The following XRN1 variants were observed in gnomAD, a reference collection of about 807,000 sequenced individuals.
XRN1 encodes the protein 5'-3' exoribonuclease 1, also known as strand-exchange protein 1 homolog.
Under a neutral mutation model 222.3 loss-of-function variants are expected in XRN1, and 67 were observed. The observed-to-expected ratio is 0.30, with a 90% confidence interval of 0.25 to 0.37. XRN1 has a LOEUF of 0.37. Ranked by LOEUF, XRN1 falls within the 10% of genes least tolerant of loss-of-function variation. XRN1 has a pLI of 1.00. For synonymous variants in XRN1, 643 were observed against 652.4 expected, an observed-to-expected ratio of 0.99 and a Z score of 0.22; for missense variants, 1,707 against 2,000.2, an observed-to-expected ratio of 0.85 and a Z score of 2.80.
intron 33 of XRN1, among the ~76,000 whole-genome samples, chr3:142,337,618 G>A (rs1221553359): frequency 6.6e-6 from 1 of 152,162 alleles, no homozygotes; most frequent in East Asian, 1.9e-4. Flanking sequence ...CCTGAACACA[G>A]TAGACACTAC....
In XRN1 at chr3:142,412,797, GAT is replaced by G. The variant is rs966682915; in HGVS notation, c.1594-136_1594-135del. The G allele has an allele frequency of 1.3e-4, 79 of 615,680 alleles. No homozygotes were observed. The African/African-American group carries it at 1.4e-3, about 11-fold the overall frequency. 38.1% of individuals were successfully genotyped at this position (615,680 alleles called of 1,614,324 possible). A position where few individuals can be genotyped will look rare whatever the true frequency, so the allele number is the denominator to read the frequency against. ...AAGCAAACTAAATTTTTGTACCTTT[GAT>G]ATGTCACAATATACTTGCTATATTT... On this transcript the variant is annotated intron_variant, in intron 14 of 40. Transcript: ENST00000392981.
At chr3:142,381,738 T>C (rs1020315330) in intron 22 of XRN1, among the ~76,000 whole-genome samples, 16 of 152,020 alleles carry the variant, frequency 1.1e-4, no homozygotes, top group African/African-American at 3.9e-4. Flanking sequence ...AGCTAATTTT[T>C]ATAATTTTAG....
At chr3:142,391,306 T>C (rs1360817168) in intron 20 of XRN1, among the ~76,000 whole-genome samples, 1 of 152,218 alleles carries the variant, frequency 6.6e-6, no homozygotes, top group East Asian at 1.9e-4. Flanking sequence ...GATGCTTCTA[T>C]TAAAATAAAA....
chr3:142,415,709 G>A (rs1005267502), intron 13 of XRN1, among the ~76,000 whole-genome samples: 7 of 152,176 alleles, frequency 4.6e-5, no homozygotes, highest in Non-Finnish European at 7.4e-5. Flanking sequence ...TATGTAGTAA[G>A]TGAAACCATA....
chr3:142,339,432 C>G (rs1320441654), intron 33 of XRN1, among the ~76,000 whole-genome samples: 2 of 152,230 alleles, frequency 1.3e-5, no homozygotes, highest in East Asian at 3.9e-4. Flanking sequence ...ATTTCAAATA[C>G]TTGGAAAGTG....
intron 1 of XRN1, among the ~76,000 whole-genome samples, chr3:142,441,321 T>A (rs896620477): frequency 7.9e-5 from 12 of 152,146 alleles, no homozygotes; most frequent in Admixed American, 7.9e-4. Flanking sequence ...AGAAAGCCAA[T>A]ACCCATTTAG....
Position 142,310,634 on chromosome 3 carries a change from T to C in XRN1, c.*877A>G, listed in dbSNP as rs2065054362. The C allele has an allele frequency of 6.6e-6, 1 of 152,616 alleles. No homozygotes were observed. Among genetic ancestry groups the C allele is most frequent in the South Asian group, 2.1e-4 (1 of 4,838 alleles). 9.5% of individuals were successfully genotyped at this position (152,616 alleles called of 1,614,324 possible). On this transcript the variant is annotated 3_prime_UTR_variant, in exon 41 of 41. Coordinates refer to ENST00000392981, the MANE Select transcript of XRN1 (RefSeq NM_001282857.2). ...ATACCGACCAACTATGAAGCTCTCA[T>C]AAAATGTCAGGTAAGCAAATAAAAA...
At chr3:142,367,945 GAA>G (rs5853069) in intron 27 of XRN1, among the ~76,000 whole-genome samples, 14 of 149,326 alleles carry the variant, frequency 9.4e-5, no homozygotes, top group African/African-American at 2.0e-4. Flanking sequence ...AATCCTGAAA[GAA>G]AAAAAAAAAT....
intron 27 of XRN1, among the ~76,000 whole-genome samples, chr3:142,369,420 G>A (rs1249947140): frequency 6.6e-6 from 1 of 151,914 alleles, no homozygotes; most frequent in Non-Finnish European, 1.5e-5. Context: ...GCTGAGGCAG[G>A]TGGATCACCT....
At position 142,375,846 on chromosome 3, in the gene XRN1, C is replaced by T; in HGVS notation, c.2930G>A (p.Trp977Ter). ...PGYTKKVGSE[W>*]MYSSAAEQLL... Reference sequence around the variant, plus strand: ...TTGTTCTGCTGCAGATGAATACATCCATTCACTTCCAACTTTCTTAGTATA... The same window carrying T: ...TTGTTCTGCTGCAGATGAATACATCTATTCACTTCCAACTTTCTTAGTATA... The change falls in exon 25 of 41, where the codon TGG (tryptophan) becomes TAG (stop). Residue 977 changes from tryptophan (W) to a stop codon, truncating the protein, a stop_gained. Transcript: ENST00000392981. LOFTEE classifies it high-confidence loss of function. 1 of 1,613,792 alleles carries T rather than the reference C, an allele frequency of 6.2e-7. No individual in the cohort carries two copies. Among genetic ancestry groups the T allele is most frequent in the Non-Finnish European group, 8.5e-7 (1 of 1,179,916 alleles).
At chr3:142,415,751 A>G (rs1038359953) in intron 13 of XRN1, among the ~76,000 whole-genome samples, 4 of 152,234 alleles carry the variant, frequency 2.6e-5, no homozygotes, top group African/African-American at 9.6e-5. Context: ...ACTGGTTTGT[A>G]TTGCTAGATG....
intron 40 of XRN1, 75 bp from the exon 41 acceptor site, chr3:142,311,888 A>C: frequency 7.1e-7 from 1 of 1,404,958 alleles, no homozygotes. Flanking sequence ...ACCATAAACC[A>C]TGCATGCTGT....
chr3:142,314,112 T>C (rs369879842), intron 39 of XRN1, among the ~76,000 whole-genome samples: 8 of 152,328 alleles, frequency 5.3e-5, no homozygotes, highest in Non-Finnish European at 1.2e-4. Flanking sequence ...TGGGACATTT[T>C]ACATCACAAA....
At chr3:142,338,804 C>A (rs2065912117) in intron 33 of XRN1, among the ~76,000 whole-genome samples, 1 of 152,120 alleles carries the variant, frequency 6.6e-6, no homozygotes, top group Non-Finnish European at 1.5e-5. Context: ...TCAGCAACAG[C>A]CTAGCAGTAC....
rs759374017 is a variant in XRN1, at chr3:142,318,697, G to GTGGA, written c.4519-7_4519-4dup. 6 of 1,609,684 alleles carry GTGGA rather than the reference G, an allele frequency of 3.7e-6. No homozygotes were observed. The Admixed American group carries it at 8.5e-5, about 23-fold the overall frequency. ...GGGAAATTCATGCCTAAGGAGCCCT[G>GTGGA]TGGAAGTATTTAAAAGTTACAAGAC... On this transcript the variant is annotated splice_region_variant and splice_polypyrimidine_tract_variant and intron_variant, in intron 38 of 40. Transcript: ENST00000392981.
Position 142,333,100 on chromosome 3 carries a change from A to T in XRN1, c.3940-11T>A. ...AATTCCAGAGTTAGGCTAAAAGAAT[A>T]AATATTTTGGGCATGAAGATGAACG... On this transcript the variant is annotated splice_polypyrimidine_tract_variant and intron_variant, in intron 34 of 40. Coordinates refer to ENST00000392981, the MANE Select transcript of XRN1 (RefSeq NM_001282857.2). The T allele has an allele frequency of 6.2e-7, 1 of 1,609,632 alleles. No individual in the cohort carries two copies. Among genetic ancestry groups the T allele is most frequent in the South Asian group, 1.1e-5 (1 of 90,150 alleles).
chr3:142,316,214 CTTT>C (rs377522108), intron 39 of XRN1, among the ~76,000 whole-genome samples: 2 of 111,836 alleles, frequency 1.8e-5, no homozygotes, highest in African/African-American at 3.4e-5. Context: ...TCATTATCTT[CTTT>C]TTTTTTTTTT....
chr3:142,437,541 C>T (rs1463093025), intron 1 of XRN1, among the ~76,000 whole-genome samples: 5 of 152,204 alleles, frequency 3.3e-5, no homozygotes, highest in African/African-American at 9.7e-5. Context: ...CTGCTATTTT[C>T]CCCACCAATC....
At chr3:142,441,907 C>T (rs2070232669) in intron 1 of XRN1, among the ~76,000 whole-genome samples, 1 of 152,306 alleles carries the variant, frequency 6.6e-6, no homozygotes, top group East Asian at 1.9e-4. Flanking sequence ...AATTCGCATA[C>T]AATTCGTATA....
Sources: allele counts gnomAD v4.1 joint callset (sites outside exome capture counted in the v4.1 genomes callset), GRCh38; gene constraint gnomAD v4.1.1; transcripts MANE v1.5; gene names NCBI Gene and HGNC (gene_info 2026-07-23, HGNC 2026-07-21).